Variants in ARB2A observed in about 807,000 individuals in gnomAD.
The protein encoded by ARB2A is cotranscriptional regulator ARB2A.
chr5:93,692,590 A>G, the ARB2A span, among the ~76,000 whole-genome samples: 1 of 152,202 alleles, frequency 6.6e-6, no homozygotes, highest in Non-Finnish European at 1.5e-5. Context: ...ATCCCACACA[A>G]TAATACTGGG....
At chr5:93,780,780 A>G in the ARB2A span, among the ~76,000 whole-genome samples, 2 of 151,998 alleles carry the variant, frequency 1.3e-5, no homozygotes, top group Non-Finnish European at 2.9e-5. Flanking sequence ...GGCTGGATTG[A>G]ACCCTTGACC....
At chr5:93,661,922 G>GT in the ARB2A span, among the ~76,000 whole-genome samples, 1 of 152,172 alleles carries the variant, frequency 6.6e-6, no homozygotes, top group Admixed American at 6.5e-5. Context: ...GGCAGAAAGA[G>GT]TAAGGGGAAG....
At chr5:93,653,050 G>C in the ARB2A span, among the ~76,000 whole-genome samples, 1 of 151,872 alleles carries the variant, frequency 6.6e-6, no homozygotes, top group East Asian at 1.9e-4. Flanking sequence ...ATGTAAAAAT[G>C]GGGCCAATAA....
At chr5:93,759,195 C>G in the ARB2A span, among the ~76,000 whole-genome samples, 1 of 152,032 alleles carries the variant, frequency 6.6e-6, no homozygotes, top group Non-Finnish European at 1.5e-5. Flanking sequence ...TAGCTTAAAT[C>G]AGGAAGAATT....
the ARB2A span, among the ~76,000 whole-genome samples, chr5:94,034,999 T>G: frequency 6.6e-6 from 1 of 152,100 alleles, no homozygotes; most frequent in Admixed American, 6.5e-5. Flanking sequence ...GTGAAACAGT[T>G]TCATCCCAAA....
At chr5:93,754,035 T>C in the ARB2A span, among the ~76,000 whole-genome samples, 53 of 152,166 alleles carry the variant, frequency 3.5e-4, no homozygotes, top group African/African-American at 1.3e-3. Context: ...TAAGTAACCT[T>C]GTCTGTGATG....
the ARB2A span, among the ~76,000 whole-genome samples, chr5:93,982,044 C>T: frequency 6.6e-6 from 1 of 152,090 alleles, no homozygotes; most frequent in East Asian, 1.9e-4. Context: ...AATTCAGCAT[C>T]CATTTCATAT....
chr5:93,776,382 T>C, the ARB2A span: 5 of 575,312 alleles, frequency 8.7e-6, no homozygotes, highest in Non-Finnish European at 1.5e-5. Context: ...ATTTTTTTCT[T>C]ATGTAAACAG....
At chr5:93,907,120 T>C in the ARB2A span, among the ~76,000 whole-genome samples, 6 of 151,404 alleles carry the variant, frequency 4.0e-5, no homozygotes, top group African/African-American at 9.7e-5. Flanking sequence ...CTGCTTGACG[T>C]TGACTCTGCC....
At chr5:93,757,935 T>C in the ARB2A span, among the ~76,000 whole-genome samples, 1 of 152,202 alleles carries the variant, frequency 6.6e-6, no homozygotes, top group Admixed American at 6.6e-5. Flanking sequence ...AATGCTCCAC[T>C]TAAAAAATAC....
the ARB2A span, among the ~76,000 whole-genome samples, chr5:93,913,521 A>G: frequency 6.6e-6 from 1 of 151,964 alleles, no homozygotes; most frequent in African/African-American, 2.4e-5. Flanking sequence ...AGCTTGGAGC[A>G]TGAGCCGAAT....
the ARB2A span, among the ~76,000 whole-genome samples, chr5:94,074,202 T>C: frequency 6.6e-6 from 1 of 152,094 alleles, no homozygotes; most frequent in Non-Finnish European, 1.5e-5. Flanking sequence ...TCCATAACAA[T>C]GTCTAACGCA....
the ARB2A span, among the ~76,000 whole-genome samples, chr5:93,663,299 A>G: frequency 6.6e-6 from 1 of 152,224 alleles, no homozygotes; most frequent in Non-Finnish European, 1.5e-5. Context: ...CAGGTTACAA[A>G]CATAAACTTT....
the ARB2A span, chr5:94,074,677 T>C: frequency 1.9e-6 from 3 of 1,612,906 alleles, no homozygotes; most frequent in Non-Finnish European, 2.5e-6. Flanking sequence ...CTTTTTCATC[T>C]GGACCTCCCT....
At chr5:93,661,139 C>T in the ARB2A span, among the ~76,000 whole-genome samples, 3 of 152,038 alleles carry the variant, frequency 2.0e-5, no homozygotes, top group South Asian at 2.1e-4. Context: ...TCACAGGCCT[C>T]GAGAGTTTGT....
chr5:93,640,567 T>G, the ARB2A span, among the ~76,000 whole-genome samples: 5 of 149,684 alleles, frequency 3.3e-5, no homozygotes, highest in South Asian at 8.4e-4. Context: ...TGTGTGTGTG[T>G]GTGTGTATGT....
At chr5:93,871,623 G>A in the ARB2A span, among the ~76,000 whole-genome samples, 1 of 152,088 alleles carries the variant, frequency 6.6e-6, no homozygotes, top group Admixed American at 6.5e-5. Context: ...GAATTCAGCT[G>A]CCTTCTATTA....
At chr5:93,933,650 TA>T in the ARB2A span, among the ~76,000 whole-genome samples, 1 of 151,776 alleles carries the variant, frequency 6.6e-6, no homozygotes, top group African/African-American at 2.4e-5. Flanking sequence ...TGGGTCCCGT[TA>T]GGGGGTGGGG....
the ARB2A span, among the ~76,000 whole-genome samples, chr5:93,987,846 T>C: frequency 6.6e-6 from 1 of 152,212 alleles, no homozygotes; most frequent in Non-Finnish European, 1.5e-5. Flanking sequence ...CAACTAACTA[T>C]TGGTATCTCC....
Sources: gnomAD v4.1 joint callset for allele counts (sites outside exome capture counted in the v4.1 genomes callset) on GRCh38, gnomAD v4.1.1 for gene constraint, MANE v1.5 for transcripts, NCBI Gene and HGNC (gene_info 2026-07-23, HGNC 2026-07-21) for gene names.